KLF8: variants seen among roughly 807,000 people sequenced by gnomAD.
KLF8 encodes Krueppel-like factor 8.
Under a neutral mutation model 18.2 loss-of-function variants are expected in KLF8, and 10 were observed. The observed-to-expected ratio is 0.55, with a 90% CI of 0.34 to 0.93. KLF8 has a LOEUF of 0.93. Ranked by LOEUF, KLF8 falls within the 40% of genes least tolerant of loss-of-function variation. The pLI is 0.02. For missense variants in KLF8, 264 were observed against 277.9 expected (o/e 0.95, Z 0.36); for synonymous variants, 109 against 97.3 (o/e 1.12, Z -0.71).
chrX:55,908,511 G>A, the KLF8 span: 12 of 296,010 alleles, frequency 4.1e-5, no homozygotes, highest in Admixed American at 6.7e-4. Flanking sequence ...TGCTAATGCC[G>A]GGGGAGGTAA....
chrX:56,043,130 G>A, the KLF8 span, among the ~76,000 whole-genome samples: 2 of 111,221 alleles, frequency 1.8e-5, no homozygotes, highest in Admixed American at 1.9e-4. Flanking sequence ...TTTTAAGAAT[G>A]TTGAATATTG....
upstream of KLF8, among the ~76,000 whole-genome samples, chrX:56,227,874 AACACACACAC>A (rs72391707): frequency 5.0e-4 from 43 of 85,527 alleles, no homozygotes; most frequent in African/African-American, 6.1e-4. Context: ...CCCTAGCCCC[AACACACACAC>A]ACACACACAC....
At chrX:55,998,235 G>A in the KLF8 span, among the ~76,000 whole-genome samples, 2 of 110,980 alleles carry the variant, frequency 1.8e-5, no homozygotes, top group Non-Finnish European at 3.8e-5. Context: ...CCAGGGACGG[G>A]CAGGAGACAG....
chrX:56,150,914 T>C, the KLF8 span, among the ~76,000 whole-genome samples: 2 of 111,540 alleles, frequency 1.8e-5, no homozygotes, highest in Middle Eastern at 4.6e-3. Context: ...AATATGTTGT[T>C]ATAAAATGCT....
chrX:56,246,816 TA>T (rs1341191612), intron 1 of KLF8, among the ~76,000 whole-genome samples: 1 of 110,980 alleles, frequency 9.0e-6, no homozygotes, highest in African/African-American at 3.3e-5. Flanking sequence ...AGACTGGGTT[TA>T]TGGTGGTGCT....
intron 4 of KLF8, 146 bp from the exon 5 acceptor site, chrX:56,270,036 T>A (rs753278886): frequency 1.5e-4 from 84 of 551,744 alleles, no homozygotes; most frequent in Admixed American, 1.4e-3. Context: ...GTTTTTACTA[T>A]TCCAATTATT....
At chrX:56,234,483 C>T (rs2066449006) in intron 1 of KLF8, among the ~76,000 whole-genome samples, 1 of 112,160 alleles carries the variant, frequency 8.9e-6, no homozygotes, top group Non-Finnish European at 1.9e-5. Context: ...TTTTCTGGAC[C>T]ACTGCTGATA....
At chrX:56,197,663 A>G in the KLF8 span, among the ~76,000 whole-genome samples, 1 of 111,980 alleles carries the variant, frequency 8.9e-6, no homozygotes, top group Non-Finnish European at 1.9e-5. Context: ...AGAGGTACAA[A>G]GAGGGACTGG....
chrX:56,230,907 G>A (rs2066395813), upstream of KLF8, among the ~76,000 whole-genome samples: 2 of 111,023 alleles, frequency 1.8e-5, no homozygotes, highest in Non-Finnish European at 3.8e-5. Context: ...AGTTTTGCCT[G>A]AAGAAATTAA....
the KLF8 span, among the ~76,000 whole-genome samples, chrX:56,091,550 G>A: frequency 9.0e-6 from 1 of 111,301 alleles, no homozygotes; most frequent in Non-Finnish European, 1.9e-5. Context: ...AGCCTGGAGT[G>A]CAGTGGTGTG....
chrX:55,933,419 T>C, the KLF8 span, among the ~76,000 whole-genome samples: 3 of 111,993 alleles, frequency 2.7e-5, no homozygotes, highest in Non-Finnish European at 5.6e-5. Flanking sequence ...GAAATAAAGC[T>C]CTGCTTTTTA....
intron 1 of KLF8, among the ~76,000 whole-genome samples, chrX:56,245,978 G>A (rs1482792812): frequency 8.9e-6 from 1 of 111,852 alleles, no homozygotes; most frequent in East Asian, 2.8e-4. Flanking sequence ...TTTAAAAAAG[G>A]AGGTTATATA....
the KLF8 span, among the ~76,000 whole-genome samples, chrX:56,154,713 A>C: frequency 8.9e-6 from 1 of 112,048 alleles, no homozygotes; most frequent in Non-Finnish European, 1.9e-5. Flanking sequence ...CATCTGACAA[A>C]GGGCTAATAT....
At chrX:56,128,983 T>C in the KLF8 span, among the ~76,000 whole-genome samples, 1 of 110,984 alleles carries the variant, frequency 9.0e-6, no homozygotes, top group East Asian at 2.8e-4. Context: ...GAGAGAAAAA[T>C]TACTAGTCAT....
intron 3 of KLF8, 186 bp from the exon 4 acceptor site, chrX:56,269,192 C>CAAAA: frequency 1.3e-6 from 1 of 761,782 alleles, no homozygotes. Flanking sequence ...CCCTGCTATG[C>CAAAA]AAAAAAAAAA....
the KLF8 span, among the ~76,000 whole-genome samples, chrX:56,162,752 G>A: frequency 9.0e-5 from 10 of 110,928 alleles, no homozygotes; most frequent in South Asian, 3.9e-4. Flanking sequence ...TTCACCTCAC[G>A]CTCCGTATGC....
chrX:56,216,532 T>A, the KLF8 span, among the ~76,000 whole-genome samples: 1 of 104,710 alleles, frequency 9.6e-6, no homozygotes, highest in African/African-American at 3.5e-5. Context: ...ATTTATTTAT[T>A]TATTTATTTA....
chrX:56,058,929 T>C, the KLF8 span, among the ~76,000 whole-genome samples: 2 of 112,098 alleles, frequency 1.8e-5, no homozygotes, highest in Non-Finnish European at 3.8e-5. Context: ...ATTGACACAC[T>C]GTCTTCCACA....
intron 5 of KLF8, among the ~76,000 whole-genome samples, chrX:56,272,141 C>T: frequency 9.0e-6 from 1 of 111,459 alleles, no homozygotes; most frequent in Non-Finnish European, 1.9e-5. Flanking sequence ...TAGGTGAATG[C>T]CTTACCTGAT....
Sources: allele counts gnomAD v4.1 joint callset (sites outside exome capture counted in the v4.1 genomes callset), GRCh38; gene constraint gnomAD v4.1.1; transcripts MANE v1.5; gene names NCBI Gene and HGNC (gene_info 2026-07-23, HGNC 2026-07-21).